The following IMMP2L variants were observed in gnomAD, a reference collection of about 807,000 sequenced individuals.
IMMP2L encodes inner mitochondrial membrane peptidase subunit 2, also known as mitochondrial inner membrane protease subunit 2.
IMMP2L carries 18 observed loss-of-function variants against 19.3 expected under a neutral mutation model. The ratio of observed to expected loss-of-function variants is 0.93; its 90% CI spans 0.64 to 1.38. The LOEUF (loss-of-function observed/expected upper bound fraction) is 1.38, where lower values mean the gene tolerates loss of function less well. Among genes scored for constraint, IMMP2L ranks in the 40% most tolerant of loss-of-function variants. The pLI, the probability that IMMP2L is intolerant of heterozygous loss-of-function variation, is 0.00. For missense variants in IMMP2L, 233 were observed against 218.2 expected, an observed-to-expected ratio of 1.07 and a Z score of -0.43; for synonymous variants, 76 against 73.0, an observed-to-expected ratio of 1.04 and a Z score of -0.21.
chr7:111,292,591 C>T (rs1308865928), intron 3 of IMMP2L, among the ~76,000 whole-genome samples: 1 of 151,844 alleles, frequency 6.6e-6, no homozygotes, highest in African/African-American at 2.4e-5. Flanking sequence ...TTATGTGTCA[C>T]TAATGAAAAG....
chr7:111,004,663 T>C (rs917745199), intron 3 of IMMP2L, among the ~76,000 whole-genome samples: 1 of 152,050 alleles, frequency 6.6e-6, no homozygotes, highest in Non-Finnish European at 1.5e-5. Context: ...CTGAATAAAA[T>C]AGCGTCTTCA....
chr7:111,387,569 T>C (rs193258355), intron 3 of IMMP2L, among the ~76,000 whole-genome samples: 3 of 152,278 alleles, frequency 2.0e-5, no homozygotes, highest in Non-Finnish European at 4.4e-5. Context: ...ATAAACTATC[T>C]TTAACATCAA....
At chr7:111,352,161 G>A (rs77365112) in intron 3 of IMMP2L, among the ~76,000 whole-genome samples, 3,700 of 152,192 alleles carry the variant, frequency 0.024, 169 homozygotes, top group African/African-American at 0.084. Context: ...ACAAACATCA[G>A]AAGCATTATA....
At chr7:110,792,470 C>T (rs183222646) in intron 5 of IMMP2L, among the ~76,000 whole-genome samples, 4 of 152,014 alleles carry the variant, frequency 2.6e-5, no homozygotes, top group African/African-American at 4.8e-5. Flanking sequence ...ACTAAACATC[C>T]GGCTTTTCTG....
intron 3 of IMMP2L, among the ~76,000 whole-genome samples, chr7:110,971,594 A>C (rs567412304): frequency 1.3e-5 from 2 of 152,264 alleles, no homozygotes; most frequent in Admixed American, 6.5e-5. Flanking sequence ...AACTATAAAC[A>C]GACTTAATTT....
At chr7:110,988,420 A>G (rs1554482719) in intron 3 of IMMP2L, among the ~76,000 whole-genome samples, 1 of 152,188 alleles carries the variant, frequency 6.6e-6, no homozygotes, top group Non-Finnish European at 1.5e-5. Context: ...GGTGCATATG[A>G]CTTCTAGTCA....
chr7:111,540,405 A>G (rs757790181), intron 1 of IMMP2L, among the ~76,000 whole-genome samples: 4 of 152,234 alleles, frequency 2.6e-5, no homozygotes, highest in Non-Finnish European at 4.4e-5. Context: ...AGTCAGGGAA[A>G]CACTTGCAAT....
At chr7:111,411,074 G>A (rs1834365161) in intron 3 of IMMP2L, among the ~76,000 whole-genome samples, 1 of 118,774 alleles carries the variant, frequency 8.4e-6, no homozygotes, top group African/African-American at 3.3e-5. Flanking sequence ...ACCATGACAT[G>A]ATATAATCAA....
intron 4 of IMMP2L, among the ~76,000 whole-genome samples, chr7:110,913,862 T>C (rs568237768): frequency 6.6e-6 from 1 of 152,276 alleles, no homozygotes; most frequent in South Asian, 2.1e-4. Context: ...TGACTTCCCA[T>C]TGAAACTCAC....
In IMMP2L at chr7:111,439,583, T is replaced by TA. The variant is rs113130902; in HGVS notation, c.239+47654dup. ...CTTTATTTTTAAAATACTTCATTGC[T>TA]AAAAAAATGCTAATGATCATCTGAG... On this transcript the variant is annotated intron_variant, in intron 3 of 5. Coordinates refer to ENST00000405709, the MANE Select transcript of IMMP2L (RefSeq NM_032549.4). Among the ~76,000 whole-genome samples, 13 of 152,022 alleles carry TA rather than the reference T, an allele frequency of 8.6e-5. 1 individual carries two copies. The highest frequency in any genetic ancestry group is 2.1e-4 in the South Asian group (1 of 4,818).
chr7:111,413,488 TA>T (rs56071711), intron 3 of IMMP2L, among the ~76,000 whole-genome samples: 143 of 148,024 alleles, frequency 9.7e-4, no homozygotes, highest in African/African-American at 3.2e-3. Context: ...CCCAGCAATA[TA>T]AAAAAAAAAT....
chr7:111,218,199 T>A (rs1191698646), intron 3 of IMMP2L, among the ~76,000 whole-genome samples: 4 of 152,062 alleles, frequency 2.6e-5, no homozygotes, highest in Non-Finnish European at 5.9e-5. Context: ...GTCCCAAGTA[T>A]CTGCTCTGTT....
intron 2 of IMMP2L, among the ~76,000 whole-genome samples, chr7:111,505,145 C>T (rs1844746681): frequency 6.6e-6 from 1 of 151,830 alleles, no homozygotes; most frequent in South Asian, 2.1e-4. Context: ...CAAACAACCC[C>T]ATCAAAAAGT....
chr7:110,816,142 T>A (rs1802490899), intron 5 of IMMP2L, among the ~76,000 whole-genome samples: 1 of 152,162 alleles, frequency 6.6e-6, no homozygotes, highest in South Asian at 2.1e-4. Context: ...TTTGAATGTG[T>A]CCCAGAGATA....
At chr7:111,005,988 C>T (rs950808379) in intron 3 of IMMP2L, among the ~76,000 whole-genome samples, 4 of 151,846 alleles carry the variant, frequency 2.6e-5, no homozygotes, top group Non-Finnish European at 5.9e-5. Flanking sequence ...AAGCCATGGG[C>T]CCCTTGGTCA....
At chr7:111,225,847 G>C (rs1813029935) in intron 3 of IMMP2L, among the ~76,000 whole-genome samples, 1 of 152,032 alleles carries the variant, frequency 6.6e-6, no homozygotes. Context: ...GCTTCCAAAA[G>C]ATAAGACTTG....
At chr7:111,262,412 A>G (rs1212635278) in intron 3 of IMMP2L, among the ~76,000 whole-genome samples, 3 of 152,054 alleles carry the variant, frequency 2.0e-5, no homozygotes, top group Admixed American at 6.6e-5. Flanking sequence ...GAGCATTTCC[A>G]TAATAGAGAA....
intron 5 of IMMP2L, among the ~76,000 whole-genome samples, chr7:110,829,545 A>G (rs1025563564): frequency 2.0e-5 from 3 of 152,212 alleles, no homozygotes; most frequent in Non-Finnish European, 4.4e-5. Flanking sequence ...ACGAAAAAAT[A>G]TTCCTTTCCA....
intron 3 of IMMP2L, among the ~76,000 whole-genome samples, chr7:111,408,083 TATAAAA>T (rs1475649027): frequency 6.6e-6 from 1 of 151,946 alleles, no homozygotes; most frequent in Non-Finnish European, 1.5e-5. Flanking sequence ...TTAATTAACT[TATAAAA>T]ATAAAACATT....
Sources: gnomAD v4.1 joint callset for allele counts (sites outside exome capture counted in the v4.1 genomes callset) on GRCh38, gnomAD v4.1.1 for gene constraint, MANE v1.5 for transcripts, NCBI Gene and HGNC (gene_info 2026-07-23, HGNC 2026-07-21) for gene names.